The following TNS3 variants were observed in gnomAD, a reference collection of about 807,000 sequenced individuals.
TNS3 encodes tensin 3.
TNS3 carries 45 observed loss-of-function variants against 140.9 expected under a neutral mutation model. The observed-to-expected ratio is 0.32, with a 90% CI of 0.25 to 0.41. The LOEUF (loss-of-function observed/expected upper bound fraction) is 0.41. Ranked by LOEUF, TNS3 falls within the 10% of genes least tolerant of loss-of-function variation. The pLI is 1.00. For missense variants in TNS3, 1,716 were observed against 1,906.7 expected (o/e 0.90, Z 1.86); for synonymous variants, 815 against 788.4 (o/e 1.03, Z -0.56).
intron 2 of TNS3, among the ~76,000 whole-genome samples, chr7:47,522,382 C>A (rs1287605140): frequency 6.6e-6 from 1 of 152,098 alleles, no homozygotes; most frequent in Non-Finnish European, 1.5e-5. Flanking sequence ...TCACAGCCTC[C>A]ACGTAACTTC....
chr7:47,377,895 T>G (rs1239658199), intron 16 of TNS3, among the ~76,000 whole-genome samples: 2 of 151,756 alleles, frequency 1.3e-5, no homozygotes, highest in Non-Finnish European at 2.9e-5. Flanking sequence ...CCTTTGCGCC[T>G]CATTGTCACA....
intron 10 of TNS3, among the ~76,000 whole-genome samples, chr7:47,421,035 G>A (rs1013582895): frequency 5.9e-5 from 9 of 152,072 alleles, no homozygotes; most frequent in African/African-American, 2.2e-4. Context: ...CCCACATGGG[G>A]CCTCCCAGGG....
chr7:47,533,980 A>G (rs1799511273), intron 1 of TNS3, among the ~76,000 whole-genome samples: 2 of 152,124 alleles, frequency 1.3e-5, no homozygotes, highest in Admixed American at 1.3e-4. Flanking sequence ...ATCACCTAAT[A>G]AAGAACTTCA....
chr7:47,524,932 G>A (rs942058365), intron 2 of TNS3, among the ~76,000 whole-genome samples: 1 of 151,918 alleles, frequency 6.6e-6, no homozygotes, highest in African/African-American at 2.4e-5. Flanking sequence ...TGAGAAGAGG[G>A]GTGAAGTCAC....
At chr7:47,508,002 A>G (rs1015976104) in intron 2 of TNS3, among the ~76,000 whole-genome samples, 4 of 152,208 alleles carry the variant, frequency 2.6e-5, no homozygotes, top group African/African-American at 7.2e-5. Context: ...CTTTGAAACT[A>G]GAAAGCAATG....
intron 2 of TNS3, among the ~76,000 whole-genome samples, chr7:47,520,515 G>A (rs960578311): frequency 2.6e-5 from 4 of 152,172 alleles, no homozygotes; most frequent in Admixed American, 6.5e-5. Flanking sequence ...AACCCAGACC[G>A]TTGAGAAACA....
At chr7:47,529,467 C>T (rs1482573815) in intron 1 of TNS3, among the ~76,000 whole-genome samples, 1 of 152,246 alleles carries the variant, frequency 6.6e-6, no homozygotes, top group Non-Finnish European at 1.5e-5. Flanking sequence ...TTCCAGACTT[C>T]AGCCGTAGAG....
intron 4 of TNS3, among the ~76,000 whole-genome samples, chr7:47,474,676 CAAAACACCTCACACATAA>C (rs1260110114): frequency 7.0e-6 from 1 of 143,074 alleles, no homozygotes; most frequent in Non-Finnish European, 1.5e-5. Context: ...CTCACACACA[CAAAACACCTCACACATAA>C]TACACACAAC....
chr7:47,409,214 G>A (rs557827681), intron 13 of TNS3, among the ~76,000 whole-genome samples: 41 of 152,156 alleles, frequency 2.7e-4, no homozygotes, highest in Non-Finnish European at 5.0e-4. Context: ...AAGGAAGGAG[G>A]AGGAGGTAGC....
At chr7:47,508,142 T>G (rs1044171136) in intron 2 of TNS3, among the ~76,000 whole-genome samples, 4 of 152,230 alleles carry the variant, frequency 2.6e-5, no homozygotes, top group Non-Finnish European at 1.5e-5. Context: ...TCCTGCACTC[T>G]GTTTTCTATG....
intron 10 of TNS3, among the ~76,000 whole-genome samples, chr7:47,415,925 C>A (rs988517146): frequency 6.6e-6 from 1 of 152,208 alleles, no homozygotes; most frequent in South Asian, 2.1e-4. Flanking sequence ...TGCTGGGGTC[C>A]TCATGAGGCA....
In TNS3 at chr7:47,368,942, T is replaced by C; in HGVS notation, c.1704A>G (p.Arg568=). The change falls in exon 17 of 31, where the codon AGA becomes AGG. Residue 568 remains arginine, a synonymous_variant. Transcript: ENST00000311160. ...REPKQPQPLL[R]KPSVSAQMQA... is the part of the protein sequence containing the mutation. The stretch of plus-strand genomic sequence containing the variant: ...GCATCTGGGCGGACACTGAGGGCTT[T>C]CTCAGCAGGGGCTGGGGCTGCTTGG... 1 of 1,613,648 alleles carries C rather than the reference T, an allele frequency of 6.2e-7. No homozygotes were observed. The highest frequency in any genetic ancestry group is 8.5e-7 in the Non-Finnish European group (1 of 1,179,820).
chr7:47,500,706 G>A (rs1562808437), intron 3 of TNS3, among the ~76,000 whole-genome samples: 2 of 152,134 alleles, frequency 1.3e-5, no homozygotes, highest in Non-Finnish European at 2.9e-5. Context: ...GTACAAATAG[G>A]GGCAGGAAAG....
At chr7:47,578,185 C>T (rs1389657400) in intron 1 of TNS3, among the ~76,000 whole-genome samples, 3 of 151,858 alleles carry the variant, frequency 2.0e-5, no homozygotes, top group South Asian at 2.1e-4. Context: ...TGGTGGTATG[C>T]GCCTGTAATC....
intron 8 of TNS3, among the ~76,000 whole-genome samples, chr7:47,431,397 T>A (rs112298276): frequency 0.4 from 61,417 of 151,892 alleles, 12,577 homozygotes; most frequent in Non-Finnish European, 0.42. Context: ...GATCAAGACC[T>A]TCCTGGCCAA....
intron 10 of TNS3, among the ~76,000 whole-genome samples, chr7:47,419,917 C>G (rs1794281660): frequency 6.6e-6 from 1 of 152,156 alleles, no homozygotes. Context: ...AAAACCCTAG[C>G]CTCCAAATTT....
At chr7:47,358,357 T>C (rs1234819082) in intron 17 of TNS3, among the ~76,000 whole-genome samples, 1 of 152,200 alleles carries the variant, frequency 6.6e-6, no homozygotes, top group East Asian at 1.9e-4. Context: ...CAGGCTAGTC[T>C]TGAACTCCTG....
intron 18 of TNS3, 121 bp downstream of exon 18, chr7:47,346,065 GC>G: frequency 7.8e-7 from 1 of 1,284,592 alleles, no homozygotes; most frequent in Non-Finnish European, 1.1e-6. Context: ...GAAGGTGGGT[GC>G]GGAGGATAAT....
rs992180693 is a variant in TNS3, at chr7:47,303,517, C to A, written c.2890G>T (p.Gly964Cys). 3 of 1,607,250 alleles carry A rather than the reference C, an allele frequency of 1.9e-6. No homozygotes were observed. The highest frequency in any genetic ancestry group is 2.5e-6 in the Non-Finnish European group (3 of 1,179,372). The change falls in exon 22 of 31, where the codon GGC becomes TGC. Residue 964 changes from glycine (G) to cysteine (C), a missense_variant. Coordinates refer to ENST00000311160, the MANE Select transcript of TNS3 (RefSeq NM_022748.12). Reference protein sequence around the residue: ...PKPMVSLLGSGRPTGSPLSAE... With the variant: ...PKPMVSLLGSCRPTGSPLSAE... ...CTGAGGGGACTTCCGGTGGGCCGGC[C>A]GCTCCCCAGCAGGGAAACCATGGGC...
Sources: allele counts gnomAD v4.1 joint callset (sites outside exome capture counted in the v4.1 genomes callset), GRCh38; gene constraint gnomAD v4.1.1; transcripts MANE v1.5; gene names NCBI Gene and HGNC (gene_info 2026-07-23, HGNC 2026-07-21).